The following NOTCH1 variants were observed in gnomAD, a reference collection of about 807,000 sequenced individuals.
The protein encoded by NOTCH1 is neurogenic locus notch homolog protein 1.
In NOTCH1, 37 loss-of-function variants were observed where a neutral mutation model predicts 254.8. The observed-to-expected ratio is 0.15, with a 90% CI of 0.11 to 0.19. The LOEUF (loss-of-function observed/expected upper bound fraction) is 0.19. Ranked by LOEUF, NOTCH1 falls within the 10% of genes least tolerant of loss-of-function variation. NOTCH1 has a pLI of 1.00. For synonymous variants in NOTCH1, 1,731 were observed against 1,618.1 expected, an observed-to-expected ratio of 1.07 and a Z score of -1.68; for missense variants, 2,972 against 3,708.6, an observed-to-expected ratio of 0.80 and a Z score of 5.16.
chr9:136,513,296 G>T lies in NOTCH1; in HGVS notation c.2353+96C>A. 1 of 1,572,638 alleles carries T rather than the reference G, an allele frequency of 6.4e-7. No individual in the cohort carries two copies. Among genetic ancestry groups the T allele is most frequent in the Non-Finnish European group, 8.7e-7 (1 of 1,148,892 alleles). ...CTTTGCCACGGGAGGGAGACACCAT[G>T]CATGGTGCTGGCTGGACCTGGGTCC... On this transcript the variant is annotated intron_variant, in intron 14 of 33. Coordinates refer to ENST00000651671, the MANE Select transcript of NOTCH1 (RefSeq NM_017617.5). The surrounding 1 kb of genome is among the most constrained non-coding windows in gnomAD (Gnocchi z 4.7).
chr9:136,505,094 C>T lies in NOTCH1; in HGVS notation c.4597G>A (p.Asp1533Asn), dbSNP rs764136623. 3.1e-6 allele frequency: 5 copies of T among 1,609,330 alleles called. No individual in the cohort carries two copies. Among genetic ancestry groups the T allele is most frequent in the East Asian group, 2.2e-5 (1 of 44,884 alleles). Residue 1533 changes from aspartate (D) to asparagine (N), a missense_variant, in exon 26 of 34, where the codon GAC (aspartate) becomes AAC (asparagine). Physicochemically the swap from Asp to Asn is conservative, Grantham distance 23. Around this residue, in one of 8 missense-constraint regions of NOTCH1, gnomAD observed 1,343 missense variants for 1,557.0 expected, o/e 0.86. Coordinates refer to ENST00000651671, the MANE Select transcript of NOTCH1 (RefSeq NM_017617.5). Reference protein sequence around the residue: ...RAEGQCNPLYDQYCKDHFSDG... With the variant: ...RAEGQCNPLYNQYCKDHFSDG... ...CTGAAGTGGTCCTTGCAGTACTGGT[C>T]GTACAGGGGGCTGTGGGGGGCGGGA...
chr9:136,531,143 C>T (rs543774851), intron 2 of NOTCH1, among the ~76,000 whole-genome samples: 6 of 152,320 alleles, frequency 3.9e-5, no homozygotes, highest in African/African-American at 1.2e-4. Context: ...GACATCTGTC[C>T]GGCACACACC....
Position 136,506,983 on chromosome 9 carries a change from C to T in NOTCH1, c.3644-10G>A, listed in dbSNP as rs2133344421. On this transcript the variant is annotated splice_polypyrimidine_tract_variant and intron_variant, in intron 22 of 33. Coordinates refer to ENST00000651671, the MANE Select transcript of NOTCH1 (RefSeq NM_017617.5). This position sits in a 1 kb window ranked among gnomAD's most constrained non-coding sequence, Gnocchi z 4.5. ...ATCTCACAGTGCACACCTGCGGGGC[C>T]AGGTTTCGTCAGTGGCCCAAGCCCG... The T allele has an allele frequency of 6.3e-7, 1 of 1,579,678 alleles. No homozygotes were observed. Among genetic ancestry groups the T allele is most frequent in the Non-Finnish European group, 8.6e-7 (1 of 1,164,770 alleles).
intron 32 of NOTCH1, 50 bp downstream of exon 32, chr9:136,499,062 C>T (rs1449242415): frequency 6.2e-7 from 1 of 1,612,526 alleles, no homozygotes; most frequent in African/African-American, 1.3e-5. Flanking sequence ...CCACCCGTCC[C>T]TGTGGCGGTC....
intron 12 of NOTCH1, 38 bp downstream of exon 12, chr9:136,515,252 G>T: frequency 6.3e-7 from 1 of 1,585,734 alleles, no homozygotes; most frequent in Non-Finnish European, 8.6e-7. Context: ...TGACCTCTGA[G>T]CACAGTGCAG....
Position 136,511,163 on chromosome 9 carries a change from G to A in NOTCH1, c.2576C>T (p.Thr859Met), listed in dbSNP as rs199505287. 58 of 1,612,768 alleles carry A rather than the reference G, an allele frequency of 3.6e-5. No homozygotes were observed. Among genetic ancestry groups the A allele is most frequent in the Non-Finnish European group, 4.4e-5 (52 of 1,179,998 alleles). ...CTGGCCAGCCTCACCTTGCCAGCCC[G>A]TGGGGCAGACACAGGAGAAGCTCTC... Reference protein sequence around the residue: ...DYESFSCVCPTGWQGQTCEVD... With the variant: ...DYESFSCVCPMGWQGQTCEVD... Residue 859 changes from threonine to methionine, a missense_variant, in exon 16 of 34, where the codon ACG becomes ATG. Thr to Met is a moderately conservative substitution (Grantham distance 81, BLOSUM62 -1). Coordinates refer to ENST00000651671, the MANE Select transcript of NOTCH1 (RefSeq NM_017617.5).
In NOTCH1 at chr9:136,509,825, G is replaced by C. The variant is rs1319442376; in HGVS notation, c.2877C>G (p.Asn959Lys). ...TGTAGCTGTCCACGCAGTCCGTGCA[G>C]TTGGCCCCGTTGCGGCAGGGGTCAC... is the stretch of plus-strand genomic sequence containing the variant. ...CASDPCRNGA[N>K]CTDCVDSYTC... Residue 959 changes from asparagine to lysine, a missense_variant, in exon 18 of 34, where the codon AAC becomes AAG. Asn to Lys is a moderately conservative substitution (Grantham distance 94). This residue lies in a region of NOTCH1 where 1,343 missense variants were observed against 1,557.0 expected (regional missense o/e 0.86). Coordinates refer to ENST00000651671, the MANE Select transcript of NOTCH1 (RefSeq NM_017617.5). The C allele has an allele frequency of 6.2e-7, 1 of 1,613,204 alleles. No homozygotes were observed. Among genetic ancestry groups the C allele is most frequent in the Non-Finnish European group, 8.5e-7 (1 of 1,180,034 alleles).
At chr9:136,510,579 G>C in intron 17 of NOTCH1, 74 bp downstream of exon 17, 1 of 1,535,620 alleles carries the variant, frequency 6.5e-7, no homozygotes, top group South Asian at 1.2e-5. Context: ...CCAGCACCAT[G>C]CGCACCAACC....
Position 136,507,977 on chromosome 9 carries a change from T to C in NOTCH1, c.3488A>G (p.Tyr1163Cys), listed in dbSNP as rs938144258. The change falls in exon 21 of 34, where the codon TAC becomes TGC. Residue 1163 changes from tyrosine to cysteine, a missense_variant. By Grantham distance (194) the Tyr-to-Cys change is radical (BLOSUM62 -2). Around this residue, in one of 8 missense-constraint regions of NOTCH1, gnomAD observed 1,343 missense variants for 1,557.0 expected, o/e 0.86. Transcript: ENST00000651671. The stretch of plus-strand genomic sequence containing the variant: ...CACCTTGCAGGAGTAGCCGCCCAGG[T>C]AGTCCGTGCAGGTGGCCCCGTTCTG... ...PCQNGATCTD[Y>C]LGGYSCKCVA... 1 of 1,612,542 alleles carries C rather than the reference T, an allele frequency of 6.2e-7. No individual in the cohort carries two copies. Among genetic ancestry groups the C allele is most frequent in the Non-Finnish European group, 8.5e-7 (1 of 1,179,950 alleles).
Position 136,505,600 on chromosome 9 carries a change from G to A in NOTCH1, c.4296C>T (p.Phe1432=), listed in dbSNP as rs774697636. The A allele has an allele frequency of 6.9e-5, 111 of 1,610,912 alleles. No homozygotes were observed. The highest frequency in any genetic ancestry group is 1.7e-4 in the African/African-American group (13 of 74,890). Residue 1432 remains phenylalanine (F), a synonymous_variant, in exon 25 of 34, where the codon TTC becomes TTT. Transcript: ENST00000651671. ...GGATGTCGCGCCCGGCCCCACCCCCGAAGCTGTAGTCCAGGATGTGGCACA... is the reference window on the plus strand; with the variant it reads ...GGATGTCGCGCCCGGCCCCACCCCCAAAGCTGTAGTCCAGGATGTGGCACA... ...GLLCHILDYS[F]GGGAGRDIPP...
rs2133313956 is a variant in NOTCH1, at chr9:136,496,139, C to T, written c.7600G>A (p.Glu2534Lys). 2.5e-6 allele frequency: 4 copies of T among 1,609,504 alleles called. No individual in the cohort carries two copies. Among genetic ancestry groups the T allele is most frequent in the Non-Finnish European group, 3.4e-6 (4 of 1,179,376 alleles). Reference sequence around the variant, plus strand: ...CTGGTGGGAGGGCTGGAGACGCCCTCGGACCAGTCGGAGACGTTGGAATGC... The same window carrying T: ...CTGGTGGGAGGGCTGGAGACGCCCTTGGACCAGTCGGAGACGTTGGAATGC... The part of the protein sequence containing the change: ...SPHSNVSDWS[E>K]GVSSPPTSMQ... Residue 2534 changes from glutamate (E) to lysine (K), a missense_variant, in exon 34 of 34, where the codon GAG becomes AAG. By Grantham distance (56) the Glu-to-Lys change is moderately conservative. Coordinates refer to ENST00000651671, the MANE Select transcript of NOTCH1 (RefSeq NM_017617.5).
chr9:136,515,512 T>G lies in NOTCH1; in HGVS notation c.1874A>C (p.Tyr625Ser). Residue 625 changes from tyrosine to serine, a missense_variant, in exon 11 of 34, where the codon TAC (tyrosine) becomes TCC (serine). Tyr to Ser is a moderately radical substitution (Grantham distance 144). Coordinates refer to ENST00000651671, the MANE Select transcript of NOTCH1 (RefSeq NM_017617.5). ...GGTCCCCTTCAGGCAGAAGCAGAGG[T>G]AGGCGTTGTCGCGGTCCTGGCAGGT... Reference protein sequence around the residue: ...GGTCQDRDNAYLCFCLKGTTG... With the variant: ...GGTCQDRDNASLCFCLKGTTG... 6.2e-7 allele frequency: 1 copy of G among 1,611,920 alleles called. No individual in the cohort carries two copies. Among genetic ancestry groups the G allele is most frequent in the Non-Finnish European group, 8.5e-7 (1 of 1,179,786 alleles).
rs1174461914 is a variant in NOTCH1 at position 136,522,818 on chromosome 9, G to C, written c.742+32C>G. On this transcript the variant is annotated intron_variant, in intron 4 of 33. Coordinates refer to ENST00000651671, the MANE Select transcript of NOTCH1 (RefSeq NM_017617.5). ...CCCTGGGCCTGGCAGCCGGGGAGGG[G>C]CTCGTGCACCCCGGCCAGCGGGCAG... 2.8e-6 allele frequency: 4 copies of C among 1,450,990 alleles called. No homozygotes were observed. The Admixed American group carries it at 7.5e-5, about 27-fold the overall frequency. 89.9% of individuals were successfully genotyped at this position (1,450,990 alleles called of 1,614,324 possible).
At position 136,506,932 on chromosome 9, in the gene NOTCH1, C is replaced by T. The variant is rs766198119; in HGVS notation, c.3685G>A (p.Val1229Ile). ...TTGGGGCTCCGGGACACGGGGTCAA[C>T]GGGGGGATTGCAGTCGTCCACGTTG... ...EINVDDCNPP[V>I]DPVSRSPKCF... Residue 1229 changes from valine to isoleucine, a missense_variant, in exon 23 of 34, where the codon GTT (valine) becomes ATT (isoleucine). By Grantham distance (29) the Val-to-Ile change is conservative. This residue lies in a region of NOTCH1 where 1,343 missense variants were observed against 1,557.0 expected (regional missense o/e 0.86). Coordinates refer to ENST00000651671, the MANE Select transcript of NOTCH1 (RefSeq NM_017617.5). The surrounding 1 kb of genome is among the most constrained non-coding windows in gnomAD (Gnocchi z 4.5). 1.4e-5 allele frequency: 22 copies of T among 1,611,114 alleles called. No individual in the cohort carries two copies. Among genetic ancestry groups the T allele is most frequent in the South Asian group, 5.5e-5 (5 of 90,834 alleles).
At position 136,506,171 on chromosome 9, in the gene NOTCH1, C is replaced by T. The variant is rs1162534231; in HGVS notation, c.4015-290G>A. 2.0e-5 allele frequency among the ~76,000 whole-genome samples: 3 copies of T among 152,072 alleles called. No individual in the cohort carries two copies. Among genetic ancestry groups the T allele is most frequent in the Non-Finnish European group, 2.9e-5 (2 of 68,004 alleles). The stretch of plus-strand genomic sequence containing the variant: ...GCGAGGGTGGGCAGGCATGTCATAC[C>T]TCAGCCCAAACCCACAACCACAAAG... On this transcript the variant is annotated intron_variant, in intron 24 of 33. Transcript: ENST00000651671. This position sits in a 1 kb window ranked among gnomAD's most constrained non-coding sequence, Gnocchi z 4.5.
At chr9:136,516,173 C>T in intron 9 of NOTCH1, 79 bp from the exon 10 acceptor site, 2 of 1,104,198 alleles carry the variant, frequency 1.8e-6, no homozygotes, top group Non-Finnish European at 2.7e-6. Context: ...CAGACCCCAG[C>T]AGTGAGCGCC....
intron 2 of NOTCH1, among the ~76,000 whole-genome samples, chr9:136,525,635 C>A (rs1476686283): frequency 2.6e-5 from 4 of 152,230 alleles, no homozygotes; most frequent in Non-Finnish European, 5.9e-5. Context: ...CTGAAGCTGC[C>A]GGCTTCCCAC....
chr9:136,522,778 C>A (rs370031163), intron 4 of NOTCH1, 72 bp downstream of exon 4: 2 of 1,371,846 alleles, frequency 1.5e-6, no homozygotes, highest in Non-Finnish European at 1.9e-6. Flanking sequence ...CTACACCAGG[C>A]GCCCCGTTCC....
intron 2 of NOTCH1, among the ~76,000 whole-genome samples, chr9:136,542,506 G>A (rs1403763510): frequency 6.7e-6 from 1 of 148,388 alleles, no homozygotes; most frequent in Non-Finnish European, 1.5e-5. Flanking sequence ...TCAAGCGTCC[G>A]TGCGGCTTCT....
Sources: gnomAD v4.1 joint callset for allele counts (sites outside exome capture counted in the v4.1 genomes callset) on GRCh38, gnomAD v4.1.1 for gene constraint, gnomAD v4.1.1 regional missense constraint, Gnocchi (gnomAD v3.1) non-coding constraint, MANE v1.5 for transcripts, NCBI Gene and HGNC (gene_info 2026-07-23, HGNC 2026-07-21) for gene names.